The following KYAT1 variants were observed in gnomAD, a reference collection of about 807,000 sequenced individuals.
KYAT1 encodes the protein kynurenine aminotransferase 1.
KYAT1 carries 47 observed loss-of-function variants against 52.4 expected under a neutral mutation model. That is an observed-to-expected ratio of 0.90 (90% CI 0.71 to 1.14). The LOEUF (loss-of-function observed/expected upper bound fraction) is 1.14, where lower values mean the gene tolerates loss of function less well. KYAT1 is among the 50% of genes most tolerant of loss of function. KYAT1 has a pLI of 0.00. For missense variants in KYAT1, 480 were observed against 557.9 expected, an observed-to-expected ratio of 0.86 and a Z score of 1.41; for synonymous variants, 212 against 209.6, an observed-to-expected ratio of 1.01 and a Z score of -0.10.
Position 128,835,386 on chromosome 9 carries a change from G to A in KYAT1, c.1059C>T (p.Asp353=), listed in dbSNP as rs1290394568. The change falls in exon 11 of 13, where the codon GAC becomes GAT. Residue 353 remains aspartate, a synonymous_variant. Coordinates refer to ENST00000302586, the MANE Select transcript of KYAT1 (RefSeq NM_004059.5). ...AGGGCTCATCCACAGCTCCAGGCAAGTCAGGCATCTTCCTCTCTGGGAGAC... is the reference window on the plus strand; with the variant it reads ...AGGGCTCATCCACAGCTCCAGGCAAATCAGGCATCTTCCTCTCTGGGAGAC... ...DISDFKRKMP[D]LPGAVDEPYD... 6.2e-7 allele frequency: 1 copy of A among 1,614,082 alleles called. No individual in the cohort carries two copies. The highest frequency in any genetic ancestry group is 8.5e-7 in the Non-Finnish European group (1 of 1,180,022).
intron 1 of KYAT1, among the ~76,000 whole-genome samples, chr9:128,860,822 C>T (rs570775858): frequency 3.2e-4 from 49 of 152,240 alleles, no homozygotes; most frequent in Admixed American, 2.4e-3. Context: ...CTCGGCCTCC[C>T]AAAGTGCTGG....
intron 1 of KYAT1, among the ~76,000 whole-genome samples, chr9:128,855,992 A>C (rs1303502993): frequency 6.6e-6 from 1 of 152,202 alleles, no homozygotes; most frequent in Non-Finnish European, 1.5e-5. Context: ...ATCGTAGACA[A>C]ACTGTCATTT....
chr9:128,872,792 G>T (rs921265276), intron 1 of KYAT1, among the ~76,000 whole-genome samples: 1 of 149,340 alleles, frequency 6.7e-6, no homozygotes, highest in Non-Finnish European at 1.5e-5. Context: ...GACCATGTTG[G>T]CCAGACGTGG....
chr9:128,841,310 C>G (rs1832112066), intron 3 of KYAT1, among the ~76,000 whole-genome samples: 1 of 152,184 alleles, frequency 6.6e-6, no homozygotes, highest in South Asian at 2.1e-4. Context: ...TGAGACCAGC[C>G]TGGCCAACAT....
At chr9:128,851,890 T>A (rs571605370) in intron 1 of KYAT1, among the ~76,000 whole-genome samples, 10 of 152,194 alleles carry the variant, frequency 6.6e-5, no homozygotes, top group African/African-American at 2.4e-4. Flanking sequence ...TTGGGGCCAT[T>A]GGGGCTACAA....
chr9:128,834,387 G>T (rs899172956), intron 11 of KYAT1, among the ~76,000 whole-genome samples: 2 of 152,164 alleles, frequency 1.3e-5, no homozygotes, highest in African/African-American at 4.8e-5. Context: ...AGCCAGAGAA[G>T]AACAAAGCCT....
At chr9:128,867,229 G>A (rs1588141753) in intron 1 of KYAT1, among the ~76,000 whole-genome samples, 1 of 152,196 alleles carries the variant, frequency 6.6e-6, no homozygotes, top group South Asian at 2.1e-4. Context: ...ACTCAGTCTG[G>A]AGTGCAGTGG....
At chr9:128,866,532 G>T (rs1836403957) in intron 1 of KYAT1, among the ~76,000 whole-genome samples, 1 of 152,154 alleles carries the variant, frequency 6.6e-6, no homozygotes, top group Admixed American at 6.5e-5. Flanking sequence ...CTGGGAAGTG[G>T]AGGTTGCAGT....
chr9:128,863,655 G>C (rs1195819603), intron 1 of KYAT1, among the ~76,000 whole-genome samples: 3 of 152,134 alleles, frequency 2.0e-5, no homozygotes, highest in Non-Finnish European at 1.5e-5. Context: ...AGGGTACAGG[G>C]GGCACGTAGG....
At chr9:128,845,561 G>T in intron 1 of KYAT1, 150 bp from the exon 2 acceptor site, 1 of 695,420 alleles carries the variant, frequency 1.4e-6, no homozygotes, top group Non-Finnish European at 2.4e-6. Context: ...AGAAGGGCAG[G>T]TTTCTGCCTG....
intron 1 of KYAT1, chr9:128,847,442 C>T (rs1833283476): frequency 6.5e-7 from 1 of 1,535,294 alleles, no homozygotes; most frequent in Non-Finnish European, 8.7e-7. Flanking sequence ...CAGTCTGGTG[C>T]AAGAACCAAG....
At chr9:128,848,626 T>G (rs960207748) in intron 1 of KYAT1, among the ~76,000 whole-genome samples, 2 of 151,912 alleles carry the variant, frequency 1.3e-5, no homozygotes, top group African/African-American at 4.8e-5. Flanking sequence ...GTGACCAGCC[T>G]GGCCAACATG....
At chr9:128,838,022 C>T (rs776209971) in intron 5 of KYAT1, 29 bp downstream of exon 5, 1 of 1,607,056 alleles carries the variant, frequency 6.2e-7, no homozygotes, top group Non-Finnish European at 8.5e-7. Context: ...GATCCCTCTG[C>T]CCATCCATCC....
At chr9:128,875,245 T>TTTG (rs1367061863) in intron 1 of KYAT1, among the ~76,000 whole-genome samples, 21 of 148,570 alleles carry the variant, frequency 1.4e-4, no homozygotes, top group African/African-American at 2.6e-4. Context: ...TTTGTTTTTT[T>TTTG]TTGTTTTTTT....
chr9:128,868,220 A>T (rs941065964), intron 1 of KYAT1, among the ~76,000 whole-genome samples: 2 of 151,106 alleles, frequency 1.3e-5, no homozygotes, highest in African/African-American at 2.4e-5. Flanking sequence ...TCTGTTGCCC[A>T]GGCTGCAGTG....
chr9:128,880,281 T>C lies in KYAT1; in HGVS notation c.-7+1616A>G, dbSNP rs118189949. ...TTTGCTTTTCACACCACACATCATGTCAATAAATAGTTACTGGATGCCTGT... is the reference window on the plus strand; with the variant it reads ...TTTGCTTTTCACACCACACATCATGCCAATAAATAGTTACTGGATGCCTGT... On this transcript the variant is annotated intron_variant, in intron 1 of 12. Transcript: ENST00000302586. Among the ~76,000 whole-genome samples the C allele has an allele frequency of 4.1e-3, 624 of 152,188 alleles. 13 individuals are homozygous for C. The highest frequency in any genetic ancestry group is 0.041 in the East Asian group (211 of 5,168).
chr9:128,843,275 G>C (rs1166767171), intron 2 of KYAT1, among the ~76,000 whole-genome samples: 2 of 152,160 alleles, frequency 1.3e-5, no homozygotes. Context: ...AAGTGTCACA[G>C]CTGGTCCCCT....
intron 1 of KYAT1, among the ~76,000 whole-genome samples, chr9:128,856,680 A>C (rs1834648441): frequency 6.6e-6 from 1 of 152,234 alleles, no homozygotes; most frequent in Non-Finnish European, 1.5e-5. Context: ...TTGTTAACAA[A>C]ATGTTTACAA....
intron 1 of KYAT1, among the ~76,000 whole-genome samples, chr9:128,868,531 T>C (rs1490059617): frequency 5.9e-5 from 9 of 151,816 alleles, no homozygotes; most frequent in Admixed American, 5.9e-4. Context: ...AGCTGGACAT[T>C]TTTTTCTTTT....
Sources: allele counts gnomAD v4.1 joint callset (sites outside exome capture counted in the v4.1 genomes callset), GRCh38; gene constraint gnomAD v4.1.1; transcripts MANE v1.5; gene names NCBI Gene and HGNC (gene_info 2026-07-23, HGNC 2026-07-21).